ADGRA3: variants seen among roughly 807,000 people sequenced by gnomAD.
The protein encoded by ADGRA3 is adhesion G protein-coupled receptor A3.
ADGRA3 carries 56 observed loss-of-function variants against 119.8 expected under a neutral mutation model. The ratio of observed to expected loss-of-function variants is 0.47; its 90% confidence interval spans 0.38 to 0.58. ADGRA3 has a LOEUF of 0.58. Ranked by LOEUF, ADGRA3 falls within the 20% of genes least tolerant of loss-of-function variation. ADGRA3 has a pLI of 0.00. For synonymous variants in ADGRA3, 607 were observed against 623.8 expected (o/e 0.97, Z 0.40); for missense variants, 1,516 against 1,649.0 (o/e 0.92, Z 1.40).
At chr4:22,464,360 A>G (rs1717577595) in intron 2 of ADGRA3, among the ~76,000 whole-genome samples, 1 of 152,304 alleles carries the variant, frequency 6.6e-6, no homozygotes, top group South Asian at 2.1e-4. Flanking sequence ...AAAGTCAGGA[A>G]GCTTCACGAA....
intron 1 of ADGRA3, among the ~76,000 whole-genome samples, chr4:22,475,783 G>A (rs1198406257): frequency 2.6e-5 from 4 of 151,942 alleles, no homozygotes; most frequent in Admixed American, 6.6e-5. Context: ...TTCGAGGAAA[G>A]GGTGGGATGC....
At chr4:22,510,003 C>T (rs1246004465) in intron 1 of ADGRA3, among the ~76,000 whole-genome samples, 4 of 117,578 alleles carry the variant, frequency 3.4e-5, no homozygotes, top group Non-Finnish European at 7.2e-5. Context: ...GAGCGAGACT[C>T]CGTCTCAAAA....
chr4:22,433,023 T>C (rs1371363381), intron 10 of ADGRA3, among the ~76,000 whole-genome samples: 1 of 152,236 alleles, frequency 6.6e-6, no homozygotes, highest in Non-Finnish European at 1.5e-5. Flanking sequence ...TCCTAGTTTT[T>C]TTCACTACAC....
chr4:22,438,194 C>T, intron 8 of ADGRA3, 62 bp downstream of exon 8: 1 of 1,430,906 alleles, frequency 7.0e-7, no homozygotes, highest in Non-Finnish European at 9.8e-7. Flanking sequence ...AATAATGTGT[C>T]TTAGACAACA....
intron 6 of ADGRA3, among the ~76,000 whole-genome samples, chr4:22,443,835 CTTTT>C (rs902552406): frequency 2.0e-5 from 3 of 152,108 alleles, no homozygotes; most frequent in African/African-American, 7.2e-5. Context: ...TTCTCTGCTT[CTTTT>C]ATTTATTTGC....
chr4:22,502,837 T>C (rs147651638), intron 1 of ADGRA3, among the ~76,000 whole-genome samples: 247 of 145,272 alleles, frequency 1.7e-3, no homozygotes, highest in Non-Finnish European at 3.0e-3. Context: ...AGTTTATCCA[T>C]GACAGATTCA....
chr4:22,399,793 T>C (rs560371936), intron 16 of ADGRA3, among the ~76,000 whole-genome samples: 2 of 151,474 alleles, frequency 1.3e-5, no homozygotes, highest in East Asian at 4.0e-4. Context: ...TATTAGTGTC[T>C]TGTCTTTCTT....
At chr4:22,483,680 A>G (rs964550026) in intron 1 of ADGRA3, among the ~76,000 whole-genome samples, 1 of 152,238 alleles carries the variant, frequency 6.6e-6, no homozygotes, top group African/African-American at 2.4e-5. Flanking sequence ...CATTGTTGGC[A>G]CACACACAAA....
At chr4:22,402,142 G>A (rs149161113) in intron 15 of ADGRA3, among the ~76,000 whole-genome samples, 26 of 152,202 alleles carry the variant, frequency 1.7e-4, no homozygotes, top group East Asian at 1.5e-3. Flanking sequence ...TCTGCTTAGC[G>A]TATCCTTTTA....
At chr4:22,491,120 CTCTT>C (rs896925741) in intron 1 of ADGRA3, among the ~76,000 whole-genome samples, 8 of 152,212 alleles carry the variant, frequency 5.3e-5, no homozygotes, top group African/African-American at 1.9e-4. Flanking sequence ...ATTAAATAAG[CTCTT>C]TCTGCCTGCA....
chr4:22,397,750 T>C (rs1018600083), intron 16 of ADGRA3, among the ~76,000 whole-genome samples: 2 of 152,142 alleles, frequency 1.3e-5, no homozygotes, highest in African/African-American at 2.4e-5. Flanking sequence ...CCCCTGCACA[T>C]GCGCTCTCTT....
rs375875619 is a variant in ADGRA3, at chr4:22,436,647, G to A, written c.1086-6C>T. On this transcript the variant is annotated splice_region_variant and splice_polypyrimidine_tract_variant and intron_variant, in intron 8 of 18. Coordinates refer to ENST00000334304, the MANE Select transcript of ADGRA3 (RefSeq NM_145290.4). Reference sequence around the variant, plus strand: ...CTGCCAATGTTCTGGGCCATCTAGAGATGAAGACAAAATAGTACAAGAAAA... The same window carrying A: ...CTGCCAATGTTCTGGGCCATCTAGAAATGAAGACAAAATAGTACAAGAAAA... 4 of 1,612,388 alleles carry A rather than the reference G, an allele frequency of 2.5e-6. No individual in the cohort carries two copies. The highest frequency in any genetic ancestry group is 3.4e-6 in the Non-Finnish European group (4 of 1,178,672).
intron 3 of ADGRA3, among the ~76,000 whole-genome samples, chr4:22,460,469 G>A (rs1717404023): frequency 6.6e-6 from 1 of 152,160 alleles, no homozygotes; most frequent in Non-Finnish European, 1.5e-5. Context: ...ACCCTTATCA[G>A]CCTAGACAAG....
At position 22,401,868 on chromosome 4, in the gene ADGRA3, G is replaced by A. The variant is rs558470488; in HGVS notation, c.2358-314C>T. ...GAAACGCATGGGCTTTTGTTACTAC[G>A]ATGTCTTAAGATGACTGGATTACCT... On this transcript the variant is annotated intron_variant, in intron 15 of 18. Coordinates refer to ENST00000334304, the MANE Select transcript of ADGRA3 (RefSeq NM_145290.4). Among the ~76,000 whole-genome samples the A allele has an allele frequency of 9.9e-5, 15 of 152,170 alleles. 1 individual carries two copies. In the South Asian group the frequency reaches 2.9e-3, roughly 29 times the overall value.
At chr4:22,474,865 G>C (rs545855848) in intron 1 of ADGRA3, among the ~76,000 whole-genome samples, 1 of 152,258 alleles carries the variant, frequency 6.6e-6, no homozygotes, top group East Asian at 1.9e-4. Context: ...TTCACAATGG[G>C]TACAGTGTGA....
At position 22,389,126 on chromosome 4, in the gene ADGRA3, C is replaced by T. The variant is rs201062843; in HGVS notation, c.2685G>A (p.Ala895=). 4 of 1,614,012 alleles carry T rather than the reference C, an allele frequency of 2.5e-6. No individual in the cohort carries two copies. The highest frequency in any genetic ancestry group is 2.2e-5 in the East Asian group (1 of 44,882). ...GCCGACTGCCGTAATTCTTAATGTT[C>T]GCTGCTGCAGTTATGCCGCAAACAA... ...PIIVCGITAA[A]NIKNYGSRPN... is the part of the protein sequence containing the mutation. The change falls in exon 18 of 19, where the codon GCG becomes GCA. Residue 895 remains alanine, a synonymous_variant. Coordinates refer to ENST00000334304, the MANE Select transcript of ADGRA3 (RefSeq NM_145290.4).
intron 1 of ADGRA3, among the ~76,000 whole-genome samples, chr4:22,515,140 T>G (rs1719596808): frequency 1.3e-5 from 2 of 152,254 alleles, no homozygotes; most frequent in African/African-American, 4.8e-5. Flanking sequence ...GCAGAAGGAC[T>G]GGCGCTTGCA....
At chr4:22,414,316 T>A in intron 12 of ADGRA3, 1 of 318,030 alleles carries the variant, frequency 3.1e-6, no homozygotes, top group African/African-American at 2.1e-5. Flanking sequence ...AGGTTTAGAT[T>A]CAGTACACTT....
At chr4:22,408,544 T>G (rs1352414417) in intron 14 of ADGRA3, among the ~76,000 whole-genome samples, 2 of 152,058 alleles carry the variant, frequency 1.3e-5, no homozygotes, top group Non-Finnish European at 2.9e-5. Context: ...GCTAAAGAAG[T>G]GCTCAACATC....
Sources: allele counts gnomAD v4.1 joint callset (sites outside exome capture counted in the v4.1 genomes callset), GRCh38; gene constraint gnomAD v4.1.1; transcripts MANE v1.5; gene names NCBI Gene and HGNC (gene_info 2026-07-23, HGNC 2026-07-21).